The following CAMK2D variants were observed in gnomAD, a reference collection of about 807,000 sequenced individuals.
CAMK2D encodes calcium/calmodulin-dependent protein kinase type II subunit delta.
Under a neutral mutation model 84.0 loss-of-function variants are expected in CAMK2D, and 37 were observed. That is an observed-to-expected ratio of 0.44 (90% CI 0.34 to 0.58). The LOEUF (loss-of-function observed/expected upper bound fraction) is 0.58, where lower values mean the gene tolerates loss of function less well. Among genes scored for constraint, CAMK2D ranks in the 20% least tolerant of loss-of-function variants. The pLI is 0.02. For synonymous variants in CAMK2D, 202 were observed against 212.5 expected, an observed-to-expected ratio of 0.95 and a Z score of 0.43; for missense variants, 448 against 652.5, an observed-to-expected ratio of 0.69 and a Z score of 3.41.
intron 2 of CAMK2D, among the ~76,000 whole-genome samples, chr4:113,719,872 A>G (rs1471977878): frequency 1.3e-5 from 2 of 152,182 alleles, no homozygotes; most frequent in Non-Finnish European, 2.9e-5. Context: ...ATAGAAAGAT[A>G]CAGAACTCAG....
intron 3 of CAMK2D, among the ~76,000 whole-genome samples, chr4:113,613,269 C>A (rs1474452718): frequency 3.3e-5 from 5 of 152,046 alleles, no homozygotes; most frequent in Non-Finnish European, 7.4e-5. Flanking sequence ...AGGTTAACAG[C>A]AAGTAATTGG....
intron 8 of CAMK2D, among the ~76,000 whole-genome samples, chr4:113,530,053 G>T (rs184970742): frequency 6.6e-6 from 1 of 152,320 alleles, no homozygotes; most frequent in East Asian, 1.9e-4. Flanking sequence ...TCTTGCTGTA[G>T]ACTGAGGTTT....
chr4:113,480,574 C>T (rs897383334), intron 16 of CAMK2D, among the ~76,000 whole-genome samples: 1 of 151,782 alleles, frequency 6.6e-6, no homozygotes, highest in Admixed American at 6.6e-5. Flanking sequence ...GGTGCAGTGG[C>T]TCACATCTGT....
At chr4:113,594,444 T>A (rs1251236573) in intron 4 of CAMK2D, among the ~76,000 whole-genome samples, 1 of 152,172 alleles carries the variant, frequency 6.6e-6, no homozygotes, top group Admixed American at 6.5e-5. Flanking sequence ...GAGTCAAATA[T>A]GACAAATATG....
chr4:113,757,319 G>C (rs1404463419), intron 2 of CAMK2D, among the ~76,000 whole-genome samples: 2 of 152,038 alleles, frequency 1.3e-5, no homozygotes, highest in Non-Finnish European at 2.9e-5. Context: ...TCTATGCTAT[G>C]TTAATTCATT....
rs114830513 is a variant in CAMK2D at position 113,454,685 on chromosome 4, T to C, written c.*30-170A>G. Among the ~76,000 whole-genome samples the C allele has an allele frequency of 5.9e-3, 903 of 152,248 alleles. 8 individuals are homozygous for C. Among genetic ancestry groups the C allele is most frequent in the African/African-American group, 0.021 (866 of 41,564 alleles). ...CTTGTGATCATTACAAGAAGAAACA[T>C]ACAATGTTACACAAAGAGAGTATTA... On this transcript the variant is annotated intron_variant, in intron 20 of 20. Coordinates refer to ENST00000511664, the MANE Select transcript of CAMK2D (RefSeq NM_001321571.2).
At chr4:113,683,892 T>C (rs998152132) in intron 2 of CAMK2D, among the ~76,000 whole-genome samples, 2 of 152,210 alleles carry the variant, frequency 1.3e-5, no homozygotes, top group South Asian at 2.1e-4. Context: ...GTTAAGAGTA[T>C]AGATTTTAGA....
At chr4:113,513,222 T>C in intron 12 of CAMK2D, 106 bp downstream of exon 12, 1 of 1,565,352 alleles carries the variant, frequency 6.4e-7, no homozygotes, top group African/African-American at 1.4e-5. Flanking sequence ...CCCTGAACAA[T>C]GAAGTTTTTC....
intron 2 of CAMK2D, among the ~76,000 whole-genome samples, chr4:113,698,259 A>T (rs2099408697): frequency 6.6e-6 from 1 of 152,106 alleles, no homozygotes; most frequent in South Asian, 2.1e-4. Context: ...TTGCACCATA[A>T]TAAAGCTGAA....
chr4:113,550,464 C>T (rs1349964200), intron 5 of CAMK2D, among the ~76,000 whole-genome samples: 2 of 152,182 alleles, frequency 1.3e-5, no homozygotes, highest in Non-Finnish European at 2.9e-5. Flanking sequence ...TGGGCCACCA[C>T]ATCTGACTGA....
At chr4:113,603,833 A>G (rs1475459198) in intron 4 of CAMK2D, among the ~76,000 whole-genome samples, 2 of 145,714 alleles carry the variant, frequency 1.4e-5, no homozygotes, top group Non-Finnish European at 3.0e-5. Context: ...TGGGCATGGT[A>G]GCTCACACCT....
At chr4:113,701,513 T>C (rs1025243841) in intron 2 of CAMK2D, among the ~76,000 whole-genome samples, 4 of 152,024 alleles carry the variant, frequency 2.6e-5, no homozygotes, top group South Asian at 4.1e-4. Context: ...CCAAGGAAAA[T>C]TGGCCAACAC....
At chr4:113,687,820 C>T (rs1050592475) in intron 2 of CAMK2D, among the ~76,000 whole-genome samples, 6 of 152,196 alleles carry the variant, frequency 3.9e-5, no homozygotes, top group Non-Finnish European at 8.8e-5. Context: ...AATCATCAGG[C>T]ACCCTACCTG....
chr4:113,690,294 T>G (rs1230700693), intron 2 of CAMK2D, among the ~76,000 whole-genome samples: 1 of 152,126 alleles, frequency 6.6e-6, no homozygotes, highest in African/African-American at 2.4e-5. Context: ...GAACACAAGG[T>G]CACAGGTCCA....
rs182125000 is a variant in CAMK2D, at chr4:113,621,377, A to G, written c.221-12171T>C. 2.0e-4 allele frequency among the ~76,000 whole-genome samples: 31 copies of G among 152,316 alleles called. No individual in the cohort carries two copies. The East Asian group carries it at 5.2e-3, about 26-fold the overall frequency. ...TTCTCAATAAAAACACCCATATGAC[A>G]TTAATTCTTTTTCTGATGAAAATTG... On this transcript the variant is annotated intron_variant, in intron 3 of 20. Coordinates refer to ENST00000511664, the MANE Select transcript of CAMK2D (RefSeq NM_001321571.2).
At chr4:113,499,782 A>T (rs1171105030) in intron 16 of CAMK2D, among the ~76,000 whole-genome samples, 1 of 152,196 alleles carries the variant, frequency 6.6e-6, no homozygotes, top group Non-Finnish European at 1.5e-5. Context: ...AAAACTGCAA[A>T]TGCAATTGAT....
At chr4:113,554,706 A>T (rs1260091197) in intron 4 of CAMK2D, among the ~76,000 whole-genome samples, 1 of 152,186 alleles carries the variant, frequency 6.6e-6, no homozygotes, top group Non-Finnish European at 1.5e-5. Flanking sequence ...TTATACTCAC[A>T]TTATTTTTTA....
chr4:113,612,808 T>C (rs1404172575), intron 3 of CAMK2D, among the ~76,000 whole-genome samples: 2 of 152,138 alleles, frequency 1.3e-5, no homozygotes, highest in African/African-American at 4.8e-5. Context: ...AGTATGGAAT[T>C]TATAAGGGGG....
chr4:113,619,414 A>G (rs1278796065), intron 3 of CAMK2D, among the ~76,000 whole-genome samples: 1 of 152,090 alleles, frequency 6.6e-6, no homozygotes, highest in Non-Finnish European at 1.5e-5. Flanking sequence ...AGAATCCTCC[A>G]ATGGCTCTCC....
Sources: allele counts gnomAD v4.1 joint callset (sites outside exome capture counted in the v4.1 genomes callset), GRCh38; gene constraint gnomAD v4.1.1; transcripts MANE v1.5; gene names NCBI Gene and HGNC (gene_info 2026-07-23, HGNC 2026-07-21).